Variants in MAF observed in about 807,000 individuals in gnomAD.
The protein encoded by MAF is MAF bZIP transcription factor.
A neutral mutation model predicts 22.0 loss-of-function variants in MAF; 10 were observed. The ratio of observed to expected loss-of-function variants is 0.45; its 90% confidence interval spans 0.28 to 0.77. The LOEUF (loss-of-function observed/expected upper bound fraction) is 0.77, where lower values mean the gene tolerates loss of function less well. MAF is among the 30% of genes least tolerant of loss of function. MAF has a pLI of 0.12. For synonymous variants in MAF, 337 were observed against 255.8 expected, an observed-to-expected ratio of 1.32 and a Z score of -3.03; for missense variants, 544 against 548.4, an observed-to-expected ratio of 0.99 and a Z score of 0.08.
chr16:79,600,160 T>G lies in MAF; in HGVS notation c.-258A>C. Reference sequence around the variant, plus strand: ...CTCCCTCGCTCGCCCCGGCCCCTCCTTGCTCGCTCGCCTCCTTGCGCGCCG... The same window carrying G: ...CTCCCTCGCTCGCCCCGGCCCCTCCGTGCTCGCTCGCCTCCTTGCGCGCCG... On this transcript the variant is annotated 5_prime_UTR_variant, in exon 1 of 2. Transcript: ENST00000326043. 5.0e-6 allele frequency: 2 copies of G among 396,956 alleles called. No individual in the cohort carries two copies. Among genetic ancestry groups the G allele is most frequent in the Non-Finnish European group, 4.4e-6 (1 of 226,902 alleles). 24.6% of individuals were successfully genotyped at this position (396,956 alleles called of 1,614,324 possible).
the MAF span, among the ~76,000 whole-genome samples, chr16:79,477,098 G>T: frequency 4.6e-5 from 7 of 152,178 alleles, no homozygotes; most frequent in Non-Finnish European, 8.8e-5. Context: ...GAACAAGGAT[G>T]CTAGCAAAGC....
At chr16:79,263,399 C>G in the MAF span, among the ~76,000 whole-genome samples, 1 of 152,248 alleles carries the variant, frequency 6.6e-6, no homozygotes, top group African/African-American at 2.4e-5. Context: ...TGGAAGTGTC[C>G]TAAGAGAAGA....
At chr16:79,509,188 G>A in the MAF span, among the ~76,000 whole-genome samples, 10 of 152,298 alleles carry the variant, frequency 6.6e-5, no homozygotes, top group Middle Eastern at 3.4e-3. Context: ...TCTCCGAGGC[G>A]TGGTAGCAAA....
At chr16:79,362,356 T>A in the MAF span, among the ~76,000 whole-genome samples, 1 of 152,202 alleles carries the variant, frequency 6.6e-6, no homozygotes, top group Non-Finnish European at 1.5e-5. Context: ...CACACACAGA[T>A]GCCTTGAATA....
At chr16:79,516,066 A>T in the MAF span, 1 of 148,502 alleles carries the variant, frequency 6.7e-6, no homozygotes, top group Non-Finnish European at 1.5e-5. Flanking sequence ...CTCTCCAGCA[A>T]TTCTCCCCCA....
the MAF span, among the ~76,000 whole-genome samples, chr16:79,332,623 T>C: frequency 1.7e-4 from 26 of 152,236 alleles, no homozygotes; most frequent in Non-Finnish European, 3.4e-4. Flanking sequence ...TGATAGCTAA[T>C]ATTTATCAAA....
At chr16:79,494,872 T>A in the MAF span, among the ~76,000 whole-genome samples, 1 of 152,166 alleles carries the variant, frequency 6.6e-6, no homozygotes, top group Admixed American at 6.5e-5. Flanking sequence ...ACTCCCTCCT[T>A]GGGTTCTATA....
At chr16:79,507,283 T>G in the MAF span, among the ~76,000 whole-genome samples, 2 of 148,930 alleles carry the variant, frequency 1.3e-5, no homozygotes, top group Non-Finnish European at 3.0e-5. Flanking sequence ...CTGGCTAATT[T>G]TTTTGTACTT....
At chr16:79,236,222 A>T in the MAF span, among the ~76,000 whole-genome samples, 1 of 152,046 alleles carries the variant, frequency 6.6e-6, no homozygotes, top group Non-Finnish European at 1.5e-5. Context: ...CTTGATACAG[A>T]GGAATACTTG....
chr16:79,414,697 G>C, the MAF span, among the ~76,000 whole-genome samples: 2 of 152,328 alleles, frequency 1.3e-5, no homozygotes, highest in East Asian at 3.9e-4. Flanking sequence ...TTGGGTAAGA[G>C]AGAAATCATA....
the MAF span, among the ~76,000 whole-genome samples, chr16:79,545,263 C>T: frequency 5.4e-4 from 82 of 152,108 alleles, no homozygotes; most frequent in Non-Finnish European, 1.1e-3. Context: ...CAACTTCCCG[C>T]AAATCAAGCT....
chr16:79,308,243 T>G, the MAF span, among the ~76,000 whole-genome samples: 1 of 152,178 alleles, frequency 6.6e-6, no homozygotes, highest in African/African-American at 2.4e-5. Context: ...AATGATCAGA[T>G]CTATTGGGCC....
chr16:79,469,833 G>T, the MAF span, among the ~76,000 whole-genome samples: 2 of 152,076 alleles, frequency 1.3e-5, no homozygotes, highest in Admixed American at 1.3e-4. Flanking sequence ...CTGACCTCGT[G>T]ATCCACCCAC....
At chr16:79,266,905 G>A in the MAF span, among the ~76,000 whole-genome samples, 6 of 152,286 alleles carry the variant, frequency 3.9e-5, no homozygotes, top group East Asian at 7.7e-4. Context: ...TCATGGTAAT[G>A]ACATGTATCT....
the MAF span, among the ~76,000 whole-genome samples, chr16:79,469,066 G>C: frequency 6.6e-6 from 1 of 152,146 alleles, no homozygotes; most frequent in Non-Finnish European, 1.5e-5. Context: ...ACCCAATCAT[G>C]TGTCCCAAGT....
At chr16:79,211,449 C>T in the MAF span, among the ~76,000 whole-genome samples, 1 of 152,228 alleles carries the variant, frequency 6.6e-6, no homozygotes, top group East Asian at 1.9e-4. Context: ...ATACTTTTTA[C>T]AGTCATGTGC....
At chr16:79,499,247 T>C in the MAF span, among the ~76,000 whole-genome samples, 1 of 152,186 alleles carries the variant, frequency 6.6e-6, no homozygotes, top group African/African-American at 2.4e-5. Context: ...TGCTCCAACC[T>C]GCAGGTCAAG....
At chr16:79,512,281 A>C in the MAF span, among the ~76,000 whole-genome samples, 2 of 152,064 alleles carry the variant, frequency 1.3e-5, no homozygotes, top group Non-Finnish European at 2.9e-5. Context: ...GCCCCTTTCA[A>C]TTTCTCAGTC....
chr16:79,549,715 A>C, the MAF span, among the ~76,000 whole-genome samples: 1 of 152,242 alleles, frequency 6.6e-6, no homozygotes, highest in South Asian at 2.1e-4. Flanking sequence ...GCATCTAAAA[A>C]AGCGCCCTGG....
Sources: allele counts gnomAD v4.1 joint callset (sites outside exome capture counted in the v4.1 genomes callset), GRCh38; gene constraint gnomAD v4.1.1; transcripts MANE v1.5; gene names NCBI Gene and HGNC (gene_info 2026-07-23, HGNC 2026-07-21).